The following DCBLD1 variants were observed in gnomAD, a reference collection of about 807,000 sequenced individuals.
DCBLD1 encodes discoidin, CUB and LCCL domain containing 1.
DCBLD1 carries 57 observed loss-of-function variants against 71.5 expected under a neutral mutation model. That is an observed-to-expected ratio of 0.80 (90% CI 0.64 to 0.99). DCBLD1 has a LOEUF of 0.99. Among genes scored for constraint, DCBLD1 ranks in the 50% least tolerant of loss-of-function variants. The pLI is 0.00. For synonymous variants in DCBLD1, 380 were observed against 363.8 expected (o/e 1.04, Z -0.51); for missense variants, 891 against 923.5 (o/e 0.96, Z 0.46).
intron 1 of DCBLD1, among the ~76,000 whole-genome samples, chr6:117,496,160 A>C (rs1471857510): frequency 6.6e-6 from 1 of 152,232 alleles, no homozygotes; most frequent in African/African-American, 2.4e-5. Flanking sequence ...TCTATTTTAT[A>C]TGTGGTGAGA....
chr6:117,537,513 A>G (rs147409417), intron 7 of DCBLD1, among the ~76,000 whole-genome samples: 7,792 of 150,586 alleles, frequency 0.052, 482 homozygotes, highest in African/African-American at 0.15. Context: ...CAGCCTGGGT[A>G]ACAGAGCGAG....
At chr6:117,501,456 C>T (rs1777656959) in intron 1 of DCBLD1, among the ~76,000 whole-genome samples, 2 of 152,180 alleles carry the variant, frequency 1.3e-5, no homozygotes, top group African/African-American at 2.4e-5. Context: ...GCCTCAGCTT[C>T]CCGAGTAGCT....
intron 1 of DCBLD1, among the ~76,000 whole-genome samples, chr6:117,491,428 T>G (rs1195730065): frequency 1.3e-5 from 2 of 152,180 alleles, no homozygotes; most frequent in Non-Finnish European, 2.9e-5. Context: ...GCCCTGTACC[T>G]ACTGTCACTG....
chr6:117,524,562 T>C (rs1343115156), intron 4 of DCBLD1, among the ~76,000 whole-genome samples: 1 of 152,098 alleles, frequency 6.6e-6, no homozygotes, highest in Non-Finnish European at 1.5e-5. Context: ...ATTTCATAAC[T>C]AATGTAGGCC....
At chr6:117,521,679 A>C (rs1185117929) in intron 4 of DCBLD1, 103 bp downstream of exon 4, 1 of 1,011,390 alleles carries the variant, frequency 9.9e-7, no homozygotes, top group South Asian at 1.5e-5. Flanking sequence ...TCTTTTTACC[A>C]TTCATGTTGT....
Position 117,526,127 on chromosome 6 carries a change from G to A in DCBLD1, c.585+693G>A, listed in dbSNP as rs141646300. On this transcript the variant is annotated intron_variant, in intron 5 of 14. Transcript: ENST00000338728. ...GTTATTAACGTGTATTTTTATGCCT[G>A]TGGGAAAATAACCTTTATCTACTTG... Among the ~76,000 whole-genome samples the A allele has an allele frequency of 3.1e-4, 47 of 152,314 alleles. No individual in the cohort carries two copies. In the East Asian group the frequency reaches 8.5e-3, roughly 27 times the overall value.
intron 14 of DCBLD1, among the ~76,000 whole-genome samples, chr6:117,566,466 C>T (rs192613108): frequency 1.1e-4 from 17 of 152,256 alleles, no homozygotes; most frequent in Non-Finnish European, 2.4e-4. Flanking sequence ...ATACTTCATA[C>T]TTATTCATAA....
At chr6:117,490,042 C>T (rs569593970) in intron 1 of DCBLD1, among the ~76,000 whole-genome samples, 1 of 152,162 alleles carries the variant, frequency 6.6e-6, no homozygotes, top group South Asian at 2.1e-4. Context: ...GAAAATGCTA[C>T]ACATAGAACC....
chr6:117,487,014 G>A (rs1215542841), intron 1 of DCBLD1, among the ~76,000 whole-genome samples: 1 of 152,034 alleles, frequency 6.6e-6, no homozygotes, highest in Non-Finnish European at 1.5e-5. Flanking sequence ...ATGATCTGAG[G>A]TGCAGCAGTT....
chr6:117,497,780 G>T (rs1278766932), intron 1 of DCBLD1, among the ~76,000 whole-genome samples: 2 of 152,194 alleles, frequency 1.3e-5, no homozygotes, highest in Non-Finnish European at 2.9e-5. Flanking sequence ...TGAGGCTAAT[G>T]TTGAAAGTAG....
In DCBLD1 at chr6:117,538,778, A is replaced by C; in HGVS notation, c.919A>C (p.Asn307His). 6.2e-7 allele frequency: 1 copy of C among 1,614,172 alleles called. No homozygotes were observed. The highest frequency in any genetic ancestry group is 8.5e-7 in the Non-Finnish European group (1 of 1,180,012). The change falls in exon 8 of 15, where the codon AAC becomes CAC. Residue 307 changes from asparagine (N) to histidine (H), a missense_variant. By Grantham distance (68) the Asn-to-His change is moderately conservative. Coordinates refer to ENST00000338728, the MANE Select transcript of DCBLD1 (RefSeq NM_001366458.2). ...PSWASGDSSN[N>H]HKPREWLEID... ...ATGGGCTTCGGGCGACAGTAGCAAC[A>C]ACCACAAACCACGAGAGTGGCTGGA...
chr6:117,543,117 TC>T lies in DCBLD1; in HGVS notation c.1358-6del. Reference sequence around the variant, plus strand: ...GTTGTAACGTGATGGCTTTCCGTCTTCTTTAGGAATAAACATTACAACGGTG... The same window carrying T: ...GTTGTAACGTGATGGCTTTCCGTCTTTTTAGGAATAAACATTACAACGGTG... On this transcript the variant is annotated splice_region_variant and splice_polypyrimidine_tract_variant and intron_variant, in intron 11 of 14. Transcript: ENST00000338728. The T allele has an allele frequency of 6.2e-7, 1 of 1,613,048 alleles. No individual in the cohort carries two copies. Among genetic ancestry groups the T allele is most frequent in the Non-Finnish European group, 8.5e-7 (1 of 1,178,996 alleles).
intron 11 of DCBLD1, among the ~76,000 whole-genome samples, chr6:117,542,519 G>C (rs1283377232): frequency 6.6e-6 from 1 of 152,114 alleles, no homozygotes; most frequent in Admixed American, 6.6e-5. Context: ...CTTGGTGGCT[G>C]TCAAAGTGTC....
chr6:117,491,906 A>G (rs1777306028), intron 1 of DCBLD1, among the ~76,000 whole-genome samples: 2 of 152,198 alleles, frequency 1.3e-5, no homozygotes, highest in Non-Finnish European at 2.9e-5. Flanking sequence ...AATTTGACCT[A>G]AAGACTCGAT....
At position 117,549,477 on chromosome 6, in the gene DCBLD1, G is replaced by C; in HGVS notation, c.*1038G>C. On this transcript the variant is annotated 3_prime_UTR_variant, in exon 15 of 15. Coordinates refer to ENST00000338728, the MANE Select transcript of DCBLD1 (RefSeq NM_001366458.2). ...TTCCAGAACAGTCCAGACATCAGCTGTACCTCATGCTCAGTAGTTTTTATT... is the reference window on the plus strand; with the variant it reads ...TTCCAGAACAGTCCAGACATCAGCTCTACCTCATGCTCAGTAGTTTTTATT... 1.0e-6 allele frequency: 1 copy of C among 985,392 alleles called. No individual in the cohort carries two copies. The highest frequency in any genetic ancestry group is 1.2e-6 in the Non-Finnish European group (1 of 829,944). 61.0% of individuals were successfully genotyped at this position (985,392 alleles called of 1,614,324 possible). A position where few individuals can be genotyped will look rare whatever the true frequency, so the allele number is the denominator to read the frequency against.
At chr6:117,549,831 C>A (rs1200111363), downstream of DCBLD1, 2 of 985,262 alleles carry the variant, frequency 2.0e-6, no homozygotes, top group Non-Finnish European at 2.4e-6. Flanking sequence ...GCCCTGCTCG[C>A]TGGGGTGTTA....
chr6:117,525,410 G>A lies in DCBLD1; in HGVS notation c.561G>A (p.Gly187=). ...GCRDVAGDIS[G]NMVDGYRDTS... is the part of the protein sequence containing the mutation. ...GAGACGTAGCAGGAGACATTTCTGG[G>A]AATATGGTAGATGGATATAGAGATG... The change falls in exon 5 of 15, where the codon GGG becomes GGA. Residue 187 remains glycine, a synonymous_variant. Coordinates refer to ENST00000338728, the MANE Select transcript of DCBLD1 (RefSeq NM_001366458.2). 6.6e-7 allele frequency: 1 copy of A among 1,513,186 alleles called. No individual in the cohort carries two copies. Among genetic ancestry groups the A allele is most frequent in the Non-Finnish European group, 8.8e-7 (1 of 1,130,112 alleles). 93.7% of individuals were successfully genotyped at this position (1,513,186 alleles called of 1,614,324 possible).
chr6:117,499,714 AAAG>A (rs1777588518), intron 1 of DCBLD1, among the ~76,000 whole-genome samples: 1 of 152,232 alleles, frequency 6.6e-6, no homozygotes, highest in African/African-American at 2.4e-5. Context: ...TACCTAAGAC[AAAG>A]AAGATAAACT....
At position 117,548,336 on chromosome 6, in the gene DCBLD1, A is replaced by G; in HGVS notation, c.2045A>G (p.Asp682Gly). 2 of 1,550,510 alleles carry G rather than the reference A, an allele frequency of 1.3e-6. No individual in the cohort carries two copies. The highest frequency in any genetic ancestry group is 1.7e-6 in the Non-Finnish European group (2 of 1,146,968). Reference protein sequence around the residue: ...SALATESGHPDSQKPPTHPGT... With the variant: ...SALATESGHPGSQKPPTHPGT... ...CTCGCCACCGAAAGCGGGCACCCTGACTCTCAGAAGCCCCCAACGCATCCC... is the reference window on the plus strand; with the variant it reads ...CTCGCCACCGAAAGCGGGCACCCTGGCTCTCAGAAGCCCCCAACGCATCCC... The change falls in exon 15 of 15, where the codon GAC becomes GGC. Residue 682 changes from aspartate (D) to glycine (G), a missense_variant. Transcript: ENST00000338728.
Sources: allele counts gnomAD v4.1 joint callset (sites outside exome capture counted in the v4.1 genomes callset), GRCh38; gene constraint gnomAD v4.1.1; transcripts MANE v1.5; gene names NCBI Gene and HGNC (gene_info 2026-07-23, HGNC 2026-07-21).